Variants in SCP2 observed in about 807,000 individuals in gnomAD.
The protein encoded by SCP2 is sterol carrier protein 2.
Under a neutral mutation model 71.4 loss-of-function variants are expected in SCP2, and 48 were observed. That is an observed-to-expected ratio of 0.67 (90% CI 0.53 to 0.86). The LOEUF (loss-of-function observed/expected upper bound fraction) is 0.86, where lower values mean the gene tolerates loss of function less well. Ranked by LOEUF, SCP2 falls within the 40% of genes least tolerant of loss-of-function variation. The pLI is 0.00. For missense variants in SCP2, 560 were observed against 655.6 expected, an observed-to-expected ratio of 0.85 and a Z score of 1.59; for synonymous variants, 220 against 218.1, an observed-to-expected ratio of 1.01 and a Z score of -0.08.
Position 52,950,902 on chromosome 1 carries a change from C to A in SCP2, c.331+16C>A, listed in dbSNP as rs770497287. On this transcript the variant is annotated intron_variant, in intron 4 of 15. Coordinates refer to ENST00000371514, the MANE Select transcript of SCP2 (RefSeq NM_002979.5). ...ATTCAGGGTGGTAAGGAGTGCTTGTCTAGTGTACTTAAATATTGCCCCATT... is the reference window on the plus strand; with the variant it reads ...ATTCAGGGTGGTAAGGAGTGCTTGTATAGTGTACTTAAATATTGCCCCATT... 2 of 1,612,426 alleles carry A rather than the reference C, an allele frequency of 1.2e-6. No homozygotes were observed. Among genetic ancestry groups the A allele is most frequent in the South Asian group, 2.2e-5 (2 of 91,018 alleles).
At chr1:52,931,156 C>T (rs548175520) in intron 1 of SCP2, among the ~76,000 whole-genome samples, 13 of 152,192 alleles carry the variant, frequency 8.5e-5, no homozygotes, top group African/African-American at 3.1e-4. Context: ...GGAAAGGAAA[C>T]AATAGCTGAG....
intron 11 of SCP2, among the ~76,000 whole-genome samples, chr1:52,999,257 A>T (rs905293416): frequency 2.6e-5 from 4 of 152,246 alleles, no homozygotes; most frequent in Non-Finnish European, 5.9e-5. Context: ...CAGAATTCAG[A>T]CTTATTGAAT....
chr1:53,019,974 C>T (rs150508297), intron 12 of SCP2, among the ~76,000 whole-genome samples: 2,438 of 152,258 alleles, frequency 0.016, 75 homozygotes, highest in African/African-American at 0.055. Flanking sequence ...GCAACTTCCA[C>T]CTCCTGGGTT....
chr1:53,010,417 G>A (rs1660909061), intron 11 of SCP2, among the ~76,000 whole-genome samples: 1 of 152,172 alleles, frequency 6.6e-6, no homozygotes. Flanking sequence ...AGAAAATGTG[G>A]CACATATACA....
At chr1:53,021,635 CTTTTTCTTT>C (rs1199920685) in intron 12 of SCP2, among the ~76,000 whole-genome samples, 2 of 127,620 alleles carry the variant, frequency 1.6e-5, no homozygotes, top group Non-Finnish European at 3.2e-5. Context: ...CTTTCCTTTT[CTTTTTCTTT>C]CTTTTTTTTT....
In SCP2 at chr1:52,987,003, TA is replaced by T. The variant is rs1158925421; in HGVS notation, c.974-1025del. ...TTTCTTCTGTATATATATATATATA[TA>T]TATTTTTTTTTTTTTTTTTTTGAGA... On this transcript the variant is annotated intron_variant, in intron 10 of 15. Transcript: ENST00000371514. 6.1e-3 allele frequency among the ~76,000 whole-genome samples: 537 copies of T among 87,626 alleles called. 3 individuals are homozygous for T. The highest frequency in any genetic ancestry group is 0.032 in the African/African-American group (512 of 15,930). The allele number at this position is 87,626 out of a possible 152,430, so 57.5% of individuals were successfully genotyped here.
At chr1:53,045,507 A>G (rs1262980481) in intron 14 of SCP2, among the ~76,000 whole-genome samples, 1 of 152,206 alleles carries the variant, frequency 6.6e-6, no homozygotes, top group Non-Finnish European at 1.5e-5. Context: ...GAATATTCTT[A>G]TAGATGTCTT....
intron 14 of SCP2, among the ~76,000 whole-genome samples, chr1:53,047,481 G>A (rs1001262826): frequency 6.6e-6 from 1 of 152,128 alleles, no homozygotes; most frequent in Admixed American, 6.5e-5. Context: ...GTTGAATTCT[G>A]TTTTAAGCAA....
intron 11 of SCP2, among the ~76,000 whole-genome samples, chr1:52,992,775 G>A (rs1659613010): frequency 6.6e-6 from 1 of 152,008 alleles, no homozygotes; most frequent in African/African-American, 2.4e-5. Flanking sequence ...TTTAAAGATA[G>A]GCAAAAATTC....
intron 11 of SCP2, among the ~76,000 whole-genome samples, chr1:52,999,216 A>T (rs1660146806): frequency 6.6e-6 from 1 of 152,234 alleles, no homozygotes; most frequent in Non-Finnish European, 1.5e-5. Context: ...GAAATCTGGC[A>T]CATGGCCATT....
At chr1:52,995,294 A>G (rs543240382) in intron 11 of SCP2, 7 of 483,976 alleles carry the variant, frequency 1.4e-5, no homozygotes, top group South Asian at 1.0e-4. Context: ...CAGTCGGTAG[A>G]GAACACTGAT....
chr1:52,945,519 C>T (rs1227409129), intron 2 of SCP2, among the ~76,000 whole-genome samples: 2 of 152,034 alleles, frequency 1.3e-5, no homozygotes, highest in East Asian at 1.9e-4. Flanking sequence ...CTGGCTAACA[C>T]GGTGAAAACT....
chr1:52,970,991 T>C (rs971374698), intron 6 of SCP2, among the ~76,000 whole-genome samples: 7 of 144,978 alleles, frequency 4.8e-5, no homozygotes, highest in Non-Finnish European at 9.1e-5. Context: ...TTTTTTTTTT[T>C]TTGAGACAGA....
intron 11 of SCP2, among the ~76,000 whole-genome samples, chr1:53,002,464 C>A (rs1406153326): frequency 6.6e-6 from 1 of 152,166 alleles, no homozygotes; most frequent in African/African-American, 2.4e-5. Context: ...AACTTTCTAA[C>A]ATGGCTTCTC....
chr1:52,930,356 AGCT>A (rs1186384344), intron 1 of SCP2, among the ~76,000 whole-genome samples: 2 of 151,882 alleles, frequency 1.3e-5, no homozygotes, highest in Admixed American at 6.6e-5. Context: ...TGGATGTGGT[AGCT>A]CATGCCTGAA....
intron 11 of SCP2, among the ~76,000 whole-genome samples, chr1:52,999,970 C>A (rs1211931600): frequency 6.6e-6 from 1 of 151,974 alleles, no homozygotes; most frequent in African/African-American, 2.4e-5. Flanking sequence ...GGACCTGTCA[C>A]CATGCCCGGC....
intron 1 of SCP2, among the ~76,000 whole-genome samples, chr1:52,931,390 C>T (rs1477345219): frequency 6.6e-6 from 1 of 152,142 alleles, no homozygotes; most frequent in African/African-American, 2.4e-5. Context: ...TCTCTTTTAC[C>T]ACCAGGTGAC....
intron 6 of SCP2, among the ~76,000 whole-genome samples, chr1:52,971,201 A>C (rs1657464023): frequency 6.6e-6 from 1 of 151,704 alleles, no homozygotes; most frequent in South Asian, 2.1e-4. Flanking sequence ...TGGTCTCGAT[A>C]TCCCGACCTC....
At chr1:52,935,942 A>C in intron 1 of SCP2, among the ~76,000 whole-genome samples, 1 of 152,186 alleles carries the variant, frequency 6.6e-6, no homozygotes. Flanking sequence ...TGTCTTGAAA[A>C]AAAAAAAGAA....
Sources: gnomAD v4.1 joint callset for allele counts (sites outside exome capture counted in the v4.1 genomes callset) on GRCh38, gnomAD v4.1.1 for gene constraint, MANE v1.5 for transcripts, NCBI Gene and HGNC (gene_info 2026-07-23, HGNC 2026-07-21) for gene names.